The following DIS3L2 variants were observed in gnomAD, a reference collection of about 807,000 sequenced individuals.
DIS3L2 encodes DIS3-like exonuclease 2.
A neutral mutation model predicts 97.5 loss-of-function variants in DIS3L2; 34 were observed. That is an observed-to-expected ratio of 0.35 (90% CI 0.27 to 0.46). The LOEUF (loss-of-function observed/expected upper bound fraction) is 0.46, where lower values mean the gene tolerates loss of function less well. Ranked by LOEUF, DIS3L2 falls within the 20% of genes least tolerant of loss-of-function variation. The pLI is 1.00. For synonymous variants in DIS3L2, 435 were observed against 445.2 expected (o/e 0.98, Z 0.29); for missense variants, 1,038 against 1,146.0 (o/e 0.91, Z 1.36).
intron 6 of DIS3L2, among the ~76,000 whole-genome samples, chr2:232,091,677 G>A (rs1696840848): frequency 6.6e-6 from 1 of 152,090 alleles, no homozygotes; most frequent in Admixed American, 6.5e-5. Context: ...ACATAGGAGT[G>A]GGATTGCTGG....
rs769828131 is a variant in DIS3L2 at position 232,163,535 on chromosome 2, G to A, written c.1027G>A (p.Asp343Asn). ...AGGAATACTAACAGAGTATGGCGTG[G>A]ATTTCTCTGATTTCTCTTCAGAAGT... Reference protein sequence around the residue: ...TEGILTEYGVDFSDFSSEVLE... With the variant: ...TEGILTEYGVNFSDFSSEVLE... Residue 343 changes from aspartate (D) to asparagine (N), a missense_variant, in exon 9 of 21, where the codon GAT becomes AAT. Transcript: ENST00000325385. 6.2e-6 allele frequency: 10 copies of A among 1,614,162 alleles called. No individual in the cohort carries two copies. Among genetic ancestry groups the A allele is most frequent in the Non-Finnish European group, 8.5e-6 (10 of 1,180,006 alleles).
intron 6 of DIS3L2, among the ~76,000 whole-genome samples, chr2:232,112,849 A>G (rs777644815): frequency 6.6e-6 from 1 of 152,078 alleles, no homozygotes; most frequent in Non-Finnish European, 1.5e-5. Context: ...AAAGAGGACA[A>G]TGTATTTCCT....
intron 3 of DIS3L2, among the ~76,000 whole-genome samples, chr2:232,021,940 T>C (rs1253151195): frequency 6.6e-6 from 1 of 152,108 alleles, no homozygotes; most frequent in African/African-American, 2.4e-5. Flanking sequence ...GGAGAAGAGA[T>C]GGAGGCTATG....
intron 10 of DIS3L2, among the ~76,000 whole-genome samples, chr2:232,235,989 A>G (rs2106249318): frequency 6.6e-6 from 1 of 152,316 alleles, no homozygotes; most frequent in Non-Finnish European, 1.5e-5. Context: ...TCTGTGGGAA[A>G]CAGATCTGTT....
At chr2:232,048,199 A>G (rs1695295455) in intron 5 of DIS3L2, among the ~76,000 whole-genome samples, 2 of 152,202 alleles carry the variant, frequency 1.3e-5, no homozygotes, top group African/African-American at 4.8e-5. Flanking sequence ...TAGTCTTATG[A>G]ATGTATACAC....
At chr2:232,343,729 C>T (rs1696164965) in exon 14 of DIS3L2, 5 of 793,146 alleles carry the variant, frequency 6.3e-6, no homozygotes, top group East Asian at 2.7e-5. Flanking sequence ...TTACGGAGCT[C>T]GCCTCTGCAT....
chr2:232,314,700 T>A (rs1489279000), intron 14 of DIS3L2, among the ~76,000 whole-genome samples: 1 of 152,246 alleles, frequency 6.6e-6, no homozygotes, highest in East Asian at 1.9e-4. Flanking sequence ...TGAATAAGAT[T>A]TCCTGTCTGT....
intron 5 of DIS3L2, among the ~76,000 whole-genome samples, chr2:232,030,284 T>C (rs183185814): frequency 1.4e-3 from 212 of 152,172 alleles, no homozygotes; most frequent in Non-Finnish European, 2.3e-3. Context: ...TGAGTTCTCC[T>C]TGCTCTCTCT....
At chr2:232,107,477 A>T (rs1697386327) in intron 6 of DIS3L2, among the ~76,000 whole-genome samples, 1 of 152,162 alleles carries the variant, frequency 6.6e-6, no homozygotes, top group African/African-American at 2.4e-5. Flanking sequence ...AGGTGGGTAG[A>T]TCACTTGATG....
intron 5 of DIS3L2, among the ~76,000 whole-genome samples, chr2:232,068,964 G>A (rs1695934363): frequency 6.6e-6 from 1 of 151,996 alleles, no homozygotes; most frequent in Non-Finnish European, 1.5e-5. Flanking sequence ...TTACAGGCAT[G>A]TACCACCATG....
intron 5 of DIS3L2, among the ~76,000 whole-genome samples, chr2:232,047,412 A>G (rs1695272008): frequency 6.6e-6 from 1 of 152,248 alleles, no homozygotes; most frequent in South Asian, 2.1e-4. Flanking sequence ...GGTTTATCAG[A>G]AAGATGAACT....
At chr2:232,207,165 A>G (rs1418582985) in intron 9 of DIS3L2, among the ~76,000 whole-genome samples, 2 of 152,144 alleles carry the variant, frequency 1.3e-5, no homozygotes, top group Admixed American at 6.5e-5. Flanking sequence ...CATTCCTACT[A>G]CCATGTCTGA....
chr2:232,144,022 T>A (rs1453892285), intron 8 of DIS3L2, among the ~76,000 whole-genome samples: 1 of 152,176 alleles, frequency 6.6e-6, no homozygotes, highest in Non-Finnish European at 1.5e-5. Flanking sequence ...GTTTCTAAAA[T>A]ATACTCACAT....
intron 6 of DIS3L2, among the ~76,000 whole-genome samples, chr2:232,122,643 G>A (rs1185514497): frequency 2.6e-5 from 4 of 152,084 alleles, no homozygotes; most frequent in Admixed American, 1.3e-4. Context: ...ACTTGAACCT[G>A]GGAGGCAGAA....
intron 6 of DIS3L2, among the ~76,000 whole-genome samples, chr2:232,124,264 T>TA (rs1276065866): frequency 1.3e-5 from 2 of 150,936 alleles, no homozygotes; most frequent in African/African-American, 2.4e-5. Flanking sequence ...CACCACAGTC[T>TA]AAAAAAAAAG....
chr2:232,181,757 A>G (rs1204528420), intron 9 of DIS3L2, among the ~76,000 whole-genome samples: 2 of 151,114 alleles, frequency 1.3e-5, no homozygotes, highest in South Asian at 2.1e-4. Context: ...TCCTGTGTCA[A>G]CCTCCAGATA....
chr2:232,238,660 C>T lies in DIS3L2; in HGVS notation c.1317+15C>T. ...TGGTTCAAAAGGTAAAAATCCATCT[C>T]TAGTTTCTTTTTTCTTGCTTTGTTT... On this transcript the variant is annotated intron_variant, in intron 11 of 20. Coordinates refer to ENST00000325385, the MANE Select transcript of DIS3L2 (RefSeq NM_152383.5). The T allele has an allele frequency of 6.2e-7, 1 of 1,601,494 alleles. No homozygotes were observed. Among genetic ancestry groups the T allele is most frequent in the Non-Finnish European group, 8.5e-7 (1 of 1,171,920 alleles).
At chr2:232,186,796 A>G (rs1691448338) in intron 9 of DIS3L2, among the ~76,000 whole-genome samples, 1 of 152,258 alleles carries the variant, frequency 6.6e-6, no homozygotes, top group Non-Finnish European at 1.5e-5. Context: ...CAATTAATGT[A>G]TCATGTGTAC....
Position 232,263,363 on chromosome 2 carries a change from G to A in DIS3L2, c.1582G>A (p.Ala528Thr), listed in dbSNP as rs1693770399. 1 of 1,614,188 alleles carries A rather than the reference G, an allele frequency of 6.2e-7. No individual in the cohort carries two copies. The highest frequency in any genetic ancestry group is 1.7e-5 in the Admixed American group (1 of 60,022). The stretch of plus-strand genomic sequence containing the variant: ...GCATAGCAGCGAGGAGGTACACCAG[G>A]CCGTCTTGAATCTCCACGGAATTGC... ...PEHSSEEVHQ[A>T]VLNLHGIAKQ... The change falls in exon 13 of 21, where the codon GCC becomes ACC. Residue 528 changes from alanine to threonine, a missense_variant. This residue lies in a region of DIS3L2 where 813 missense variants were observed against 880.1 expected (regional missense o/e 0.92). Coordinates refer to ENST00000325385, the MANE Select transcript of DIS3L2 (RefSeq NM_152383.5).
Sources: allele counts gnomAD v4.1 joint callset (sites outside exome capture counted in the v4.1 genomes callset), GRCh38; gene constraint gnomAD v4.1.1; regional missense constraint gnomAD v4.1.1; transcripts MANE v1.5; gene names NCBI Gene and HGNC (gene_info 2026-07-23, HGNC 2026-07-21).